UNC5D: variants seen among roughly 807,000 people sequenced by gnomAD.
UNC5D encodes the protein netrin receptor UNC5D.
In UNC5D, 39 loss-of-function variants were observed where a neutral mutation model predicts 105.4. The ratio of observed to expected loss-of-function variants is 0.37; its 90% CI spans 0.29 to 0.48. The LOEUF (loss-of-function observed/expected upper bound fraction) is 0.48, where lower values mean the gene tolerates loss of function less well. Ranked by LOEUF, UNC5D falls within the 20% of genes least tolerant of loss-of-function variation. The probability of loss-of-function intolerance (pLI) is 0.98; values close to 1 mark genes in which losing one functional copy is unlikely to be tolerated. For synonymous variants in UNC5D, 452 were observed against 450.4 expected (o/e 1.00, Z -0.04); for missense variants, 991 against 1,202.4 (o/e 0.82, Z 2.60).
At chr8:35,363,792 T>C (rs1801969189) in intron 1 of UNC5D, among the ~76,000 whole-genome samples, 1 of 152,180 alleles carries the variant, frequency 6.6e-6, no homozygotes, top group South Asian at 2.1e-4. Flanking sequence ...AAATATTGGT[T>C]CTCTTTATTC....
chr8:35,620,214 C>T (rs946172346), intron 4 of UNC5D, among the ~76,000 whole-genome samples: 1 of 152,194 alleles, frequency 6.6e-6, no homozygotes, highest in Non-Finnish European at 1.5e-5. Flanking sequence ...CTCCCTGAAA[C>T]ATGCTGAGAT....
chr8:35,353,557 C>T (rs1812395358), intron 1 of UNC5D, among the ~76,000 whole-genome samples: 1 of 152,078 alleles, frequency 6.6e-6, no homozygotes, highest in African/African-American at 2.4e-5. Flanking sequence ...AGATATATTG[C>T]ATACTAGCAT....
At chr8:35,522,639 GA>G (rs1241516673) in intron 1 of UNC5D, among the ~76,000 whole-genome samples, 6 of 152,160 alleles carry the variant, frequency 3.9e-5, no homozygotes, top group African/African-American at 1.4e-4. Context: ...TGTGTTTCTA[GA>G]ACACTAACCT....
intron 1 of UNC5D, among the ~76,000 whole-genome samples, chr8:35,250,993 T>C (rs12679885): frequency 0.36 from 54,501 of 152,086 alleles, 10,728 homozygotes; most frequent in Non-Finnish European, 0.43. Flanking sequence ...ATTGATTGTG[T>C]ATAAACATAG....
intron 1 of UNC5D, among the ~76,000 whole-genome samples, chr8:35,347,155 A>G (rs78250939): frequency 0.015 from 2,329 of 152,130 alleles, 67 homozygotes; most frequent in African/African-American, 0.054. Flanking sequence ...AATGTGGTCG[A>G]CAGAACACAT....
At chr8:35,621,284 G>A (rs1356482797) in intron 4 of UNC5D, among the ~76,000 whole-genome samples, 1 of 152,134 alleles carries the variant, frequency 6.6e-6, no homozygotes, top group Non-Finnish European at 1.5e-5. Context: ...GTTAACATGT[G>A]CCTGTGAGCC....
chr8:35,726,021 C>T (rs1319319447), intron 9 of UNC5D, 131 bp from the exon 10 acceptor site: 10 of 1,255,128 alleles, frequency 8.0e-6, no homozygotes, highest in Non-Finnish European at 1.1e-5. Flanking sequence ...GCAGGGTGGT[C>T]CTGAAGAGCT....
Position 35,625,615 on chromosome 8 carries a change from G to A in UNC5D, c.570+29958G>A, listed in dbSNP as rs187368508. Among the ~76,000 whole-genome samples, 5 of 152,290 alleles carry A rather than the reference G, an allele frequency of 3.3e-5. No homozygotes were observed. In the East Asian group the frequency reaches 9.7e-4, roughly 29 times the overall value. On this transcript the variant is annotated intron_variant, in intron 4 of 16. Transcript: ENST00000404895. Reference sequence around the variant, plus strand: ...ATGTGCTGCTTGCTGAAGAAAAAAAGGGGATGGTGAATTATTGCAGTCATT... The same window carrying A: ...ATGTGCTGCTTGCTGAAGAAAAAAAAGGGATGGTGAATTATTGCAGTCATT...
At chr8:35,477,227 T>G (rs894262803) in intron 1 of UNC5D, among the ~76,000 whole-genome samples, 3 of 152,226 alleles carry the variant, frequency 2.0e-5, no homozygotes, top group Admixed American at 2.0e-4. Context: ...AGCCTTAGAA[T>G]GTAGCCCTTT....
At chr8:35,525,253 T>C in intron 1 of UNC5D, 1 of 1,612,150 alleles carries the variant, frequency 6.2e-7, no homozygotes. Context: ...TCCACGTCTC[T>C]AAAATGTTTT....
chr8:35,581,840 C>A (rs1430397079), intron 3 of UNC5D, among the ~76,000 whole-genome samples: 1 of 152,022 alleles, frequency 6.6e-6, no homozygotes, highest in Non-Finnish European at 1.5e-5. Flanking sequence ...GTAAAGGGAC[C>A]ACAGGGGCTC....
chr8:35,253,932 G>A (rs1161930759), intron 1 of UNC5D, among the ~76,000 whole-genome samples: 1 of 152,120 alleles, frequency 6.6e-6, no homozygotes, highest in African/African-American at 2.4e-5. Flanking sequence ...GGCATTAAAT[G>A]TTCTTCAAAA....
chr8:35,433,144 G>C (rs1359302537), intron 1 of UNC5D, among the ~76,000 whole-genome samples: 1 of 152,144 alleles, frequency 6.6e-6, no homozygotes, highest in African/African-American at 2.4e-5. Context: ...ATGAAGACTT[G>C]TGTGATGAAT....
intron 4 of UNC5D, among the ~76,000 whole-genome samples, chr8:35,649,590 C>A (rs530970477): frequency 4.6e-5 from 7 of 152,244 alleles, no homozygotes; most frequent in East Asian, 1.9e-4. Context: ...AACATAATAA[C>A]CTGACCGTGG....
intron 3 of UNC5D, among the ~76,000 whole-genome samples, chr8:35,589,958 T>G (rs531464144): frequency 6.6e-5 from 10 of 152,288 alleles, no homozygotes; most frequent in Middle Eastern, 3.4e-3. Flanking sequence ...TACTGTTTCT[T>G]ATATGCTTGC....
chr8:35,544,651 G>A, intron 1 of UNC5D: 1 of 1,312,380 alleles, frequency 7.6e-7, no homozygotes, highest in Admixed American at 2.7e-5. Flanking sequence ...CACTCAGGCT[G>A]GAGTGCAATA....
chr8:35,421,325 C>T lies in UNC5D; in HGVS notation c.104-127967C>T, dbSNP rs539564730. Among the ~76,000 whole-genome samples the T allele has an allele frequency of 1.4e-4, 22 of 152,220 alleles. No individual in the cohort carries two copies. The South Asian group carries it at 4.2e-3, about 29-fold the overall frequency. ...TACTTGGCAGCTGTACCTGGAGAGC[C>T]AGTGGTGCCATCTGCCTGAAGACCT... is the stretch of plus-strand genomic sequence containing the variant. On this transcript the variant is annotated intron_variant, in intron 1 of 16. Transcript: ENST00000404895.
intron 1 of UNC5D, among the ~76,000 whole-genome samples, chr8:35,467,155 G>A (rs754137895): frequency 2.0e-5 from 3 of 152,088 alleles, no homozygotes; most frequent in Non-Finnish European, 4.4e-5. Context: ...TCAGAAATTC[G>A]TACTCCCTCA....
At chr8:35,373,538 G>A (rs567692075) in intron 1 of UNC5D, among the ~76,000 whole-genome samples, 1 of 152,256 alleles carries the variant, frequency 6.6e-6, no homozygotes, top group South Asian at 2.1e-4. Flanking sequence ...GACATGTGCT[G>A]GAGCTGGTGA....
Sources: gnomAD v4.1 joint callset for allele counts (sites outside exome capture counted in the v4.1 genomes callset) on GRCh38, gnomAD v4.1.1 for gene constraint, MANE v1.5 for transcripts, NCBI Gene and HGNC (gene_info 2026-07-23, HGNC 2026-07-21) for gene names.